PSMC3IP: variants seen among roughly 807,000 people sequenced by gnomAD.
PSMC3IP encodes the protein homologous-pairing protein 2 homolog.
Under a neutral mutation model 34.9 loss-of-function variants are expected in PSMC3IP, and 26 were observed. The ratio of observed to expected loss-of-function variants is 0.74; its 90% CI spans 0.55 to 1.03. The LOEUF is 1.03. Ranked by LOEUF, PSMC3IP falls within the 50% of genes least tolerant of loss-of-function variation. PSMC3IP has a pLI of 0.00. For missense variants in PSMC3IP, 250 were observed against 263.1 expected, an observed-to-expected ratio of 0.95 and a Z score of 0.34; for synonymous variants, 87 against 96.5, an observed-to-expected ratio of 0.90 and a Z score of 0.57.
intron 2 of PSMC3IP, 63 bp from the exon 3 acceptor site, chr17:42,577,365 C>T: frequency 1.2e-6 from 2 of 1,608,886 alleles, no homozygotes; most frequent in South Asian, 1.1e-5. Context: ...GAAATCCAGC[C>T]AGTGATGTGG....
At position 42,573,000 on chromosome 17, in the gene PSMC3IP, C is replaced by T. The variant is rs754419993; in HGVS notation, c.622G>A (p.Glu208Lys). ...TCTGGGAGTGTGACGTTGTAATCTT[C>T]ATCCGTCTCTATCCCAACTTCCTCC... ...FFEEVGIETD[E>K]DYNVTLPDP Residue 208 changes from glutamate to lysine, a missense_variant, in exon 8 of 8, where the codon GAA becomes AAA. By Grantham distance (56) the Glu-to-Lys change is moderately conservative. Transcript: ENST00000393795. The T allele has an allele frequency of 6.2e-7, 1 of 1,614,242 alleles. No homozygotes were observed. The highest frequency in any genetic ancestry group is 8.5e-7 in the Non-Finnish European group (1 of 1,180,044).
intron 4 of PSMC3IP, 76 bp downstream of exon 4, chr17:42,574,015 TCATTGAAC>T: frequency 6.3e-7 from 1 of 1,577,646 alleles, no homozygotes. Flanking sequence ...GATGCTGCAG[TCATTGAAC>T]CATTCATTTA....
At chr17:42,576,774 C>T in intron 3 of PSMC3IP, 1 of 244,576 alleles carries the variant, frequency 4.1e-6, no homozygotes, top group Non-Finnish European at 8.2e-6. Flanking sequence ...AGAAAGAAAC[C>T]AGTCCGGGGT....
chr17:42,572,682 T>C lies in PSMC3IP; in HGVS notation c.*286A>G. The stretch of plus-strand genomic sequence containing the variant: ...TTAAATATTTTTATATAAAATTAAA[T>C]TATAATAAATATTGCCAAATGCTTT... On this transcript the variant is annotated 3_prime_UTR_variant, in exon 8 of 8. Transcript: ENST00000393795. 2.3e-6 allele frequency: 1 copy of C among 425,930 alleles called. No individual in the cohort carries two copies. Among genetic ancestry groups the C allele is most frequent in the Non-Finnish European group, 4.6e-6 (1 of 217,852 alleles). 26.4% of individuals were successfully genotyped at this position (425,930 alleles called of 1,614,324 possible).
At chr17:42,577,064 CAA>C (rs1050327964) in intron 3 of PSMC3IP, 147 bp downstream of exon 3, 33 of 1,525,270 alleles carry the variant, frequency 2.2e-5, no homozygotes, top group African/African-American at 1.1e-4. Context: ...GGGATCCTAA[CAA>C]GAGGAGTACA....
Position 42,573,539 on chromosome 17 carries a change from C to G in PSMC3IP, c.422G>C (p.Arg141Thr). 6.2e-7 allele frequency: 1 copy of G among 1,614,250 alleles called. No homozygotes were observed. ...TGCTTTAATGTTCTTCAATCTCTCT[C>G]TGTAGCCAGCGCATTCCTTCTTTAA... The part of the protein sequence containing the change: ...QELKKECAGY[R>T]ERLKNIKAAT... The change falls in exon 5 of 8, where the codon AGA (arginine) becomes ACA (threonine). Residue 141 changes from arginine to threonine, a missense_variant. By Grantham distance (71) the Arg-to-Thr change is moderately conservative. Coordinates refer to ENST00000393795, the MANE Select transcript of PSMC3IP (RefSeq NM_016556.4).
In PSMC3IP at chr17:42,577,706, C is replaced by G; in HGVS notation, c.-20G>C. 3 of 1,613,984 alleles carry G rather than the reference C, an allele frequency of 1.9e-6. No individual in the cohort carries two copies. Among genetic ancestry groups the G allele is most frequent in the Non-Finnish European group, 2.5e-6 (3 of 1,179,874 alleles). The stretch of plus-strand genomic sequence containing the variant: ...ACTCATCGCCTTTCCCGCCACCCAA[C>G]TCAGAAAGCCGGACGTTGTAGTTGC... On this transcript the variant is annotated 5_prime_UTR_variant, in exon 1 of 8. Coordinates refer to ENST00000393795, the MANE Select transcript of PSMC3IP (RefSeq NM_016556.4).
chr17:42,577,335 A>G (rs747371717), intron 2 of PSMC3IP, 33 bp from the exon 3 acceptor site: 1 of 1,611,778 alleles, frequency 6.2e-7, no homozygotes, highest in Non-Finnish European at 8.5e-7. Context: ...CAATCAGAGG[A>G]GTCTGAGCCT....
chr17:42,576,738 T>C (rs1384395219), intron 3 of PSMC3IP: 3 of 216,076 alleles, frequency 1.4e-5, no homozygotes, highest in Non-Finnish European at 1.9e-5. Flanking sequence ...GGGTGAAGAG[T>C]AATTCCATTA....
At position 42,572,963 on chromosome 17, in the gene PSMC3IP, G is replaced by GC; in HGVS notation, c.*4dup. ...CAGTCCCCACCAGTCCTGACCGTGG[G>GC]CCCCTCAGGGGTCTGGGAGTGTGAC... On this transcript the variant is annotated 3_prime_UTR_variant, in exon 8 of 8. Coordinates refer to ENST00000393795, the MANE Select transcript of PSMC3IP (RefSeq NM_016556.4). 6.2e-7 allele frequency: 1 copy of GC among 1,614,038 alleles called. No homozygotes were observed. Among genetic ancestry groups the GC allele is most frequent in the Non-Finnish European group, 8.5e-7 (1 of 1,179,940 alleles).
At chr17:42,574,624 TTTC>T (rs1259143211) in intron 3 of PSMC3IP, among the ~76,000 whole-genome samples, 5 of 151,886 alleles carry the variant, frequency 3.3e-5, no homozygotes. Context: ...ATGGACTTCT[TTTC>T]TTCTTCCTTC....
rs368928746 is a variant in PSMC3IP, at chr17:42,573,060, C to G, written c.598-36G>C. Reference sequence around the variant, plus strand: ...GGGAGACAAGTGAATGAGATGTCACCAGGATAAGACCACAGGGAAGCAAAG... The same window carrying G: ...GGGAGACAAGTGAATGAGATGTCACGAGGATAAGACCACAGGGAAGCAAAG... On this transcript the variant is annotated intron_variant, in intron 7 of 7. Transcript: ENST00000393795. 63 of 1,614,156 alleles carry G rather than the reference C, an allele frequency of 3.9e-5. No individual in the cohort carries two copies. The Middle Eastern group carries it at 5.4e-3, about 139-fold the overall frequency.
chr17:42,575,129 C>T (rs1435463764), intron 3 of PSMC3IP, among the ~76,000 whole-genome samples: 1 of 152,106 alleles, frequency 6.6e-6, no homozygotes, highest in Non-Finnish European at 1.5e-5. Flanking sequence ...TAGAAAAGAA[C>T]TGCACTGGGG....
chr17:42,574,009 C>T, intron 4 of PSMC3IP, 90 bp downstream of exon 4: 1 of 1,570,488 alleles, frequency 6.4e-7, no homozygotes, highest in Admixed American at 1.9e-5. Flanking sequence ...CAACAAGATG[C>T]TGCAGTCATT....
At chr17:42,577,816 A>G, upstream of PSMC3IP, 1 of 1,120,970 alleles carries the variant, frequency 8.9e-7, no homozygotes, top group Admixed American at 1.9e-5. Flanking sequence ...GAGCAAAGCG[A>G]CCCCTCCCGG....
At chr17:42,574,693 C>T (rs2093062117) in intron 3 of PSMC3IP, among the ~76,000 whole-genome samples, 1 of 151,268 alleles carries the variant, frequency 6.6e-6, no homozygotes. Context: ...TTCCTTCCTT[C>T]CTTTTTCCTC....
rs2093081241 is a variant in PSMC3IP, at chr17:42,577,236, G to C, written c.202C>G (p.Gln68Glu). ...GKIKEKMYGK[Q>E]KIYFADQDQF... is the part of the protein sequence containing the mutation. Reference sequence around the variant, plus strand: ...ACCTGATCCGCAAAATAGATCTTCTGCTTGCCGTACATCTTCTCTTTGATC... The same window carrying C: ...ACCTGATCCGCAAAATAGATCTTCTCCTTGCCGTACATCTTCTCTTTGATC... Residue 68 changes from glutamine to glutamate, a missense_variant, in exon 3 of 8, where the codon CAG (glutamine) becomes GAG (glutamate). By Grantham distance (29) the Gln-to-Glu change is conservative. Coordinates refer to ENST00000393795, the MANE Select transcript of PSMC3IP (RefSeq NM_016556.4). 1 of 1,613,982 alleles carries C rather than the reference G, an allele frequency of 6.2e-7. No homozygotes were observed. Among genetic ancestry groups the C allele is most frequent in the Non-Finnish European group, 8.5e-7 (1 of 1,180,008 alleles).
rs555325256 is a variant in PSMC3IP, at chr17:42,574,950, C to T, written c.226-740G>A. 4.3e-4 allele frequency among the ~76,000 whole-genome samples: 66 copies of T among 152,284 alleles called. 1 individual carries two copies. Among genetic ancestry groups the T allele is most frequent in the Middle Eastern group, 3.4e-3 (1 of 294 alleles). On this transcript the variant is annotated intron_variant, in intron 3 of 7. Transcript: ENST00000393795. ...TGTATTTTTAGTAGAGAAGGGGTTT[C>T]ACCACGTTGCCCAGGCTGGTCTCAA...
chr17:42,573,722 C>G, intron 4 of PSMC3IP, 99 bp from the exon 5 acceptor site: 1 of 1,547,502 alleles, frequency 6.5e-7, no homozygotes, highest in Non-Finnish European at 8.8e-7. Context: ...TGCTCTGGAT[C>G]TATCATCTCA....
Sources: gnomAD v4.1 joint callset for allele counts (sites outside exome capture counted in the v4.1 genomes callset) on GRCh38, gnomAD v4.1.1 for gene constraint, MANE v1.5 for transcripts, NCBI Gene and HGNC (gene_info 2026-07-23, HGNC 2026-07-21) for gene names.